CSMD3: variants seen among roughly 807,000 people sequenced by gnomAD.
CSMD3 encodes CUB and Sushi multiple domains 3.
CSMD3 carries 177 observed loss-of-function variants against 435.2 expected under a neutral mutation model. The ratio of observed to expected loss-of-function variants is 0.41; its 90% CI spans 0.36 to 0.46. The LOEUF (loss-of-function observed/expected upper bound fraction) is 0.46. Ranked by LOEUF, CSMD3 falls within the 20% of genes least tolerant of loss-of-function variation. The probability of loss-of-function intolerance (pLI) is 0.34; values close to 1 mark genes in which losing one functional copy is unlikely to be tolerated. For missense variants in CSMD3, 4,265 were observed against 4,504.6 expected (o/e 0.95, Z 1.52); for synonymous variants, 1,656 against 1,520.5 (o/e 1.09, Z -2.07).
At chr8:112,931,200 T>C (rs2083096173) in intron 9 of CSMD3, among the ~76,000 whole-genome samples, 1 of 152,074 alleles carries the variant, frequency 6.6e-6, no homozygotes, top group Non-Finnish European at 1.5e-5. Flanking sequence ...AAATGTGAAC[T>C]TAGAAGGTGG....
chr8:112,908,299 C>A (rs1412139432), intron 10 of CSMD3, among the ~76,000 whole-genome samples: 2 of 151,290 alleles, frequency 1.3e-5, no homozygotes, highest in African/African-American at 4.8e-5. Context: ...AAATCATAGA[C>A]CCTCAGTAAA....
At chr8:113,092,227 G>A (rs868194034) in intron 5 of CSMD3, among the ~76,000 whole-genome samples, 6 of 151,834 alleles carry the variant, frequency 4.0e-5, no homozygotes, top group Non-Finnish European at 8.8e-5. Flanking sequence ...TTTTCCTCCT[G>A]CCTTTCACAG....
intron 4 of CSMD3, among the ~76,000 whole-genome samples, chr8:113,155,074 C>G (rs570528583): frequency 6.6e-6 from 1 of 151,946 alleles, no homozygotes; most frequent in Non-Finnish European, 1.5e-5. Flanking sequence ...TTGCCTGAGA[C>G]CAAGCAAGAC....
chr8:113,091,747 A>G (rs1182747649), intron 5 of CSMD3, among the ~76,000 whole-genome samples: 2 of 151,246 alleles, frequency 1.3e-5, no homozygotes, highest in South Asian at 2.1e-4. Context: ...TTGTTTTACT[A>G]TCTTTTATAT....
At chr8:113,112,383 A>T (rs1362586381) in intron 4 of CSMD3, among the ~76,000 whole-genome samples, 14 of 98,908 alleles carry the variant, frequency 1.4e-4, no homozygotes, top group Non-Finnish European at 2.8e-4. Flanking sequence ...TGACCCAATA[A>T]AACATATATA....
At chr8:112,277,593 CTT>C (rs1818194431) in intron 59 of CSMD3, among the ~76,000 whole-genome samples, 1 of 152,174 alleles carries the variant, frequency 6.6e-6, no homozygotes, top group South Asian at 2.1e-4. Context: ...TTTGGGGTAT[CTT>C]TACAGCAGCA....
Position 113,067,035 on chromosome 8 carries a change from T to G in CSMD3, c.917+31721A>C, listed in dbSNP as rs551787731. On this transcript the variant is annotated intron_variant, in intron 5 of 70. Transcript: ENST00000297405. ...TTAGAGCCTCCTGGTAATTCAAGAT[T>G]GATATTTGCTCCCTTTTGAAATGAC... Among the ~76,000 whole-genome samples, 26 of 152,228 alleles carry G rather than the reference T, an allele frequency of 1.7e-4. No individual in the cohort carries two copies. In the South Asian group the frequency reaches 5.4e-3, roughly 32 times the overall value.
At chr8:112,336,285 T>C (rs573942404) in intron 44 of CSMD3, among the ~76,000 whole-genome samples, 1 of 152,300 alleles carries the variant, frequency 6.6e-6, no homozygotes, top group Non-Finnish European at 1.5e-5. Context: ...AGAAATCCAC[T>C]AGTTATATTA....
rs141160900 is a variant in CSMD3, at chr8:112,716,620, C to G, written c.1973-26570G>C. ...CAATGAAGAGCCCGTATAGCCATGA[C>G]AATCCTAAGCAATAAGAACAAAGCA... On this transcript the variant is annotated intron_variant, in intron 13 of 70. Coordinates refer to ENST00000297405, the MANE Select transcript of CSMD3 (RefSeq NM_198123.2). Among the ~76,000 whole-genome samples the G allele has an allele frequency of 4.4e-3, 672 of 152,244 alleles. 8 individuals carry two copies. Among genetic ancestry groups the G allele is most frequent in the African/African-American group, 0.015 (621 of 41,534 alleles).
rs1191334700 is a variant in CSMD3, at chr8:112,319,811, A to G, written c.7246+90T>C. 7 of 898,330 alleles carry G rather than the reference A, an allele frequency of 7.8e-6. No individual in the cohort carries two copies. The African/African-American group carries it at 1.1e-4, about 15-fold the overall frequency. The allele number at this position is 898,330 out of a possible 1,614,324, so 55.6% of individuals were successfully genotyped here. A position where few individuals can be genotyped will look rare whatever the true frequency, so the allele number is the denominator to read the frequency against. On this transcript the variant is annotated intron_variant, in intron 46 of 70. Transcript: ENST00000297405. ...ACACAGGGAATGAGGGTCTCAAGACAGGCTATTACTATTCTGTATTTTGGC... is the reference window on the plus strand; with the variant it reads ...ACACAGGGAATGAGGGTCTCAAGACGGGCTATTACTATTCTGTATTTTGGC...
At chr8:113,242,114 A>G (rs2093225474) in intron 3 of CSMD3, among the ~76,000 whole-genome samples, 1 of 151,774 alleles carries the variant, frequency 6.6e-6, no homozygotes, top group South Asian at 2.1e-4. Flanking sequence ...TACATTATTA[A>G]AAAATTTAAT....
At chr8:112,254,472 T>G (rs557652508) in intron 62 of CSMD3, 146 bp from the exon 63 acceptor site, 1 of 667,372 alleles carries the variant, frequency 1.5e-6, no homozygotes, top group African/African-American at 1.8e-5. Context: ...CATCTCTCCA[T>G]GGACAGAAGC....
intron 13 of CSMD3, among the ~76,000 whole-genome samples, chr8:112,747,274 AT>A (rs887282590): frequency 7.6e-6 from 1 of 130,774 alleles, no homozygotes; most frequent in Non-Finnish European, 1.5e-5. Flanking sequence ...TGAAGTTCAA[AT>A]TTCAATATAC....
chr8:112,622,819 T>G (rs1425840283), intron 22 of CSMD3, among the ~76,000 whole-genome samples: 1 of 152,156 alleles, frequency 6.6e-6, no homozygotes, highest in Non-Finnish European at 1.5e-5. Context: ...CTGAATGGGT[T>G]GATACATGCA....
At chr8:113,424,677 C>T (rs1025218141) in intron 1 of CSMD3, among the ~76,000 whole-genome samples, 2 of 151,146 alleles carry the variant, frequency 1.3e-5, no homozygotes, top group Admixed American at 1.3e-4. Flanking sequence ...GTGGGATCTT[C>T]ATTAATACTG....
intron 38 of CSMD3, among the ~76,000 whole-genome samples, chr8:112,355,738 C>T (rs1310770770): frequency 6.6e-6 from 1 of 152,100 alleles, no homozygotes; most frequent in East Asian, 1.9e-4. Flanking sequence ...GAGGCTGAGG[C>T]AGGAGAACGG....
intron 6 of CSMD3, among the ~76,000 whole-genome samples, chr8:112,991,901 T>G (rs1426591544): frequency 6.6e-6 from 1 of 151,870 alleles, no homozygotes; most frequent in Non-Finnish European, 1.5e-5. Context: ...ACCTCTTAGA[T>G]GAGCTGTATA....
At chr8:113,070,071 T>C (rs368883075) in intron 5 of CSMD3, among the ~76,000 whole-genome samples, 8 of 152,126 alleles carry the variant, frequency 5.3e-5, no homozygotes, top group African/African-American at 1.9e-4. Flanking sequence ...ATGGCTTTCA[T>C]TATCATTCTT....
chr8:112,408,788 A>C, intron 33 of CSMD3, 131 bp downstream of exon 33: 1 of 1,458,760 alleles, frequency 6.9e-7, no homozygotes, highest in Non-Finnish European at 9.3e-7. Flanking sequence ...TTTAGAAAAA[A>C]AAAAGGTGAC....
Sources: allele counts gnomAD v4.1 joint callset (sites outside exome capture counted in the v4.1 genomes callset), GRCh38; gene constraint gnomAD v4.1.1; transcripts MANE v1.5; gene names NCBI Gene and HGNC (gene_info 2026-07-23, HGNC 2026-07-21).